The following ZNF418 variants were observed in gnomAD, a reference collection of about 807,000 sequenced individuals.
ZNF418 encodes the protein zinc finger protein 418.
Under a neutral mutation model 32.0 loss-of-function variants are expected in ZNF418, and 32 were observed. That is an observed-to-expected ratio of 1.00 (90% CI 0.75 to 1.34). The LOEUF (loss-of-function observed/expected upper bound fraction) is 1.34, where lower values mean the gene tolerates loss of function less well. ZNF418 is among the 40% of genes most tolerant of loss of function. The pLI is 0.00. For synonymous variants in ZNF418, 276 were observed against 270.7 expected, an observed-to-expected ratio of 1.02 and a Z score of -0.19; for missense variants, 804 against 812.5, an observed-to-expected ratio of 0.99 and a Z score of 0.13.
chr19:57,927,431 T>C lies in ZNF418; in HGVS notation c.750A>G (p.Arg250=), dbSNP rs1490482008. The change falls in exon 4 of 6, where the codon AGA becomes AGG. Residue 250 remains arginine, a synonymous_variant. Transcript: ENST00000396147. ...SKYDSVSNHQ[R]VHTGKRPYEC... ...CATAAGGTCTTTTCCCAGTGTGAAC[T>C]CTCTGATGATTACTGACGCTATCAT... 6.2e-7 allele frequency: 1 copy of C among 1,614,222 alleles called. No homozygotes were observed. The highest frequency in any genetic ancestry group is 1.1e-5 in the South Asian group (1 of 91,088).
intron 3 of ZNF418, among the ~76,000 whole-genome samples, chr19:57,929,838 A>G (rs1022205591): frequency 1.3e-5 from 2 of 151,900 alleles, no homozygotes; most frequent in African/African-American, 4.8e-5. Flanking sequence ...GCCCGCCACC[A>G]CGCCCAGCTA....
intron 4 of ZNF418, among the ~76,000 whole-genome samples, chr19:57,924,142 GAA>G (rs997153751): frequency 7.9e-6 from 1 of 126,718 alleles, no homozygotes; most frequent in African/African-American, 2.9e-5. Flanking sequence ...CCTTGTCTTA[GAA>G]AAAAAAAAAA....
intron 4 of ZNF418, 40 bp from the exon 5 acceptor site, chr19:57,923,329 C>T (rs1456315088): frequency 2.6e-5 from 4 of 151,718 alleles, no homozygotes; most frequent in Non-Finnish European, 5.9e-5. Flanking sequence ...GAATCAAAAG[C>T]AACTTTCTAA....
At position 57,927,096 on chromosome 19, in the gene ZNF418, CGTT is replaced by C. The variant is rs779080865; in HGVS notation, c.1082_1084del (p.Gln361del). The stretch of plus-strand genomic sequence containing the variant: ...ATAAGGTCTTTCACTAGTGTGACCT[CGTT>C]GATGTTGAATGAGATTGCCCTTCTG... On this transcript the variant is annotated inframe_deletion, in exon 4 of 6. Transcript: ENST00000396147. 1.2e-6 allele frequency: 2 copies of C among 1,614,144 alleles called. No homozygotes were observed. Among genetic ancestry groups the C allele is most frequent in the Non-Finnish European group, 8.5e-7 (1 of 1,180,026 alleles).
At chr19:57,932,495 T>C (rs902778464) in intron 2 of ZNF418, 5 of 1,535,400 alleles carry the variant, frequency 3.3e-6, no homozygotes, top group Admixed American at 2.0e-5. Context: ...CCTTCTTGCA[T>C]GGCTCCACAT....
intron 3 of ZNF418, among the ~76,000 whole-genome samples, chr19:57,930,145 C>A (rs757568165): frequency 3.3e-5 from 5 of 152,156 alleles, no homozygotes; most frequent in Non-Finnish European, 5.9e-5. Context: ...CAAAGTCAAA[C>A]AGCAACACAG....
At chr19:57,935,137 T>C (rs1456256736) in intron 1 of ZNF418, 24 bp downstream of exon 1, 2 of 1,308,860 alleles carry the variant, frequency 1.5e-6, no homozygotes, top group South Asian at 1.4e-5. Flanking sequence ...TGAGGTGACC[T>C]GAGGGCAGGG....
intron 3 of ZNF418, among the ~76,000 whole-genome samples, chr19:57,930,159 C>T (rs779071083): frequency 9.2e-5 from 14 of 152,174 alleles, no homozygotes; most frequent in African/African-American, 1.2e-4. Flanking sequence ...AACACAGGGA[C>T]ATGCAAGGTG....
intron 2 of ZNF418, among the ~76,000 whole-genome samples, chr19:57,932,998 T>A (rs1427539286): frequency 6.6e-6 from 1 of 152,204 alleles, no homozygotes; most frequent in Admixed American, 6.5e-5. Flanking sequence ...TGTGGCAATG[T>A]CAGCCAGGGA....
Position 57,923,930 on chromosome 19 carries a change from T to A in ZNF418, c.*528-641A>T, listed in dbSNP as rs182211635. Among the ~76,000 whole-genome samples the A allele has an allele frequency of 3.9e-5, 6 of 152,170 alleles. No individual in the cohort carries two copies. The East Asian group carries it at 7.7e-4, about 20-fold the overall frequency. On this transcript the variant is annotated intron_variant, in intron 4 of 5. Coordinates refer to ENST00000396147, the MANE Select transcript of ZNF418 (RefSeq NM_133460.3). ...CTTACCACATGGTACAGTTTAAATATGTATAGTTTACAGAATGTCATTTAT... is the reference window on the plus strand; with the variant it reads ...CTTACCACATGGTACAGTTTAAATAAGTATAGTTTACAGAATGTCATTTAT...
chr19:57,922,730 T>A (rs2072039132), intron 5 of ZNF418, 101 bp from the exon 6 acceptor site: 1 of 394,850 alleles, frequency 2.5e-6, no homozygotes. Context: ...CCAGGCACAG[T>A]GGCTCATCCT....
In ZNF418 at chr19:57,922,117, T is replaced by C. The variant is rs894174261; in HGVS notation, c.*1138A>G. The C allele has an allele frequency of 6.5e-6, 1 of 152,848 alleles. No homozygotes were observed. Among genetic ancestry groups the C allele is most frequent in the African/African-American group, 2.4e-5 (1 of 41,440 alleles). The allele number at this position is 152,848 out of a possible 1,614,324, so 9.5% of individuals were successfully genotyped here. On this transcript the variant is annotated 3_prime_UTR_variant, in exon 6 of 6. Coordinates refer to ENST00000396147, the MANE Select transcript of ZNF418 (RefSeq NM_133460.3). ...TTCGTTTGGAACGCTGAACCAACAC[T>C]CTTCTTAGACCACAGGGTCATTCTT...
intron 2 of ZNF418, among the ~76,000 whole-genome samples, chr19:57,931,235 CTT>C (rs2072476488): frequency 1.3e-5 from 2 of 152,024 alleles, no homozygotes; most frequent in Admixed American, 1.3e-4. Flanking sequence ...GAGTTTCGCT[CTT>C]GTTGCCCAGA....
intron 2 of ZNF418, among the ~76,000 whole-genome samples, 172 bp downstream of exon 2, chr19:57,933,645 C>A (rs138635899): frequency 6.6e-6 from 1 of 151,980 alleles, no homozygotes; most frequent in Non-Finnish European, 1.5e-5. Flanking sequence ...GGCGTGAACC[C>A]GGGAGGCAGA....
intron 4 of ZNF418, 134 bp from the exon 5 acceptor site, chr19:57,923,423 T>C (rs902725657): frequency 1.4e-5 from 2 of 140,124 alleles, no homozygotes; most frequent in African/African-American, 2.5e-5. Context: ...TATATATATA[T>C]ATACATATAC....
rs1171713559 is a variant in ZNF418 at position 57,933,881 on chromosome 19, C to T, written c.-59G>A. The T allele has an allele frequency of 6.2e-7, 1 of 1,613,872 alleles. No homozygotes were observed. Among genetic ancestry groups the T allele is most frequent in the East Asian group, 2.2e-5 (1 of 44,886 alleles). On this transcript the variant is annotated 5_prime_UTR_variant, in exon 2 of 6. Transcript: ENST00000396147. ...TCCTCCCTCAAACACAGTGTGTTCT[C>T]TTCTTTGCAGCCAGATGATGCCTGC...
chr19:57,926,039 T>C lies in ZNF418; in HGVS notation c.*111A>G. The C allele has an allele frequency of 1.1e-6, 1 of 909,258 alleles. No homozygotes were observed. The highest frequency in any genetic ancestry group is 1.7e-6 in the Non-Finnish European group (1 of 604,566). The allele number at this position is 909,258 out of a possible 1,614,324, so 56.3% of individuals were successfully genotyped here. A position where few individuals can be genotyped will look rare whatever the true frequency, so the allele number is the denominator to read the frequency against. ...TCTGTATGTAATAAAACAAGACTTC[T>C]GCATAAAGAATATCCCACGTTTGTC... On this transcript the variant is annotated 3_prime_UTR_variant, in exon 4 of 6. Transcript: ENST00000396147.
intron 5 of ZNF418, among the ~76,000 whole-genome samples, 194 bp downstream of exon 5, chr19:57,922,997 CA>C (rs34078539): frequency 0.34 from 28,977 of 84,448 alleles, 2,953 homozygotes; most frequent in East Asian, 0.4. Context: ...GACACTGTCT[CA>C]AAAAAAAAAA....
In ZNF418 at chr19:57,927,936, T is replaced by G; in HGVS notation, c.245A>C (p.His82Pro). The G allele has an allele frequency of 1.9e-6, 3 of 1,613,612 alleles. No homozygotes were observed. The highest frequency in any genetic ancestry group is 2.5e-6 in the Non-Finnish European group (3 of 1,179,792). ...GATCGCGCCACACATTTCACAAGAGTGGGCCTTCTTGGGAGACACACCTGC... is the reference window on the plus strand; with the variant it reads ...GATCGCGCCACACATTTCACAAGAGGGGGCCTTCTTGGGAGACACACCTGC... ...PGAGVSPKKA[H>P]SCEMCGAILG... The change falls in exon 4 of 6, where the codon CAC (histidine) becomes CCC (proline). Residue 82 changes from histidine (H) to proline (P), a missense_variant. Transcript: ENST00000396147.
Sources: allele counts gnomAD v4.1 joint callset (sites outside exome capture counted in the v4.1 genomes callset), GRCh38; gene constraint gnomAD v4.1.1; transcripts MANE v1.5; gene names NCBI Gene and HGNC (gene_info 2026-07-23, HGNC 2026-07-21).